The following AUTS2 variants were observed in gnomAD, a reference collection of about 807,000 sequenced individuals.
AUTS2 encodes the protein activator of transcription and developmental regulator AUTS2.
AUTS2 carries 17 observed loss-of-function variants against 112.4 expected under a neutral mutation model. That is an observed-to-expected ratio of 0.15 (90% CI 0.10 to 0.23). The LOEUF (loss-of-function observed/expected upper bound fraction) is 0.23, where lower values mean the gene tolerates loss of function less well. Ranked by LOEUF, AUTS2 falls within the 10% of genes least tolerant of loss-of-function variation. AUTS2 has a pLI of 1.00. For synonymous variants in AUTS2, 751 were observed against 702.7 expected, an observed-to-expected ratio of 1.07 and a Z score of -1.09; for missense variants, 1,510 against 1,701.6, an observed-to-expected ratio of 0.89 and a Z score of 1.98.
At chr7:70,497,030 C>CA (rs1798572538) in intron 5 of AUTS2, among the ~76,000 whole-genome samples, 2 of 110,892 alleles carry the variant, frequency 1.8e-5, no homozygotes, top group Admixed American at 8.5e-5. Flanking sequence ...CACACACACC[C>CA]CACACATGCA....
At chr7:69,837,172 T>C (rs924224825) in intron 1 of AUTS2, among the ~76,000 whole-genome samples, 4 of 152,086 alleles carry the variant, frequency 2.6e-5, no homozygotes, top group African/African-American at 9.7e-5. Context: ...ATAATAATAA[T>C]CCAACTTTAT....
At chr7:70,094,307 AC>A (rs776086923) in intron 2 of AUTS2, among the ~76,000 whole-genome samples, 36 of 152,318 alleles carry the variant, frequency 2.4e-4, no homozygotes, top group East Asian at 9.6e-4. Flanking sequence ...CCTACATGGA[AC>A]CCATTAGTAG....
chr7:70,241,172 G>T (rs983607409), intron 4 of AUTS2, among the ~76,000 whole-genome samples: 2 of 152,140 alleles, frequency 1.3e-5, no homozygotes, highest in Admixed American at 6.6e-5. Flanking sequence ...TATCCCAAAT[G>T]ATATCATTAT....
chr7:70,596,404 GGAGGCA>G (rs1169403121), intron 5 of AUTS2: 3 of 152,328 alleles, frequency 2.0e-5, no homozygotes, highest in South Asian at 2.1e-4. Context: ...CCAGACCCGG[GGAGGCA>G]GAGGCAGAGG....
At chr7:70,315,734 C>T (rs1042322201) in intron 4 of AUTS2, among the ~76,000 whole-genome samples, 1 of 152,150 alleles carries the variant, frequency 6.6e-6, no homozygotes, top group Admixed American at 6.5e-5. Flanking sequence ...CTCTCTTACC[C>T]TCATATCCGG....
intron 5 of AUTS2, among the ~76,000 whole-genome samples, chr7:70,493,191 G>T (rs879355715): frequency 6.6e-6 from 1 of 152,136 alleles, no homozygotes; most frequent in African/African-American, 2.4e-5. Flanking sequence ...CAAAGAGAGG[G>T]TACTTTTTCA....
chr7:70,380,420 G>A (rs935171503), intron 4 of AUTS2, among the ~76,000 whole-genome samples: 1 of 152,176 alleles, frequency 6.6e-6, no homozygotes, highest in Non-Finnish European at 1.5e-5. Flanking sequence ...GAGACTGCCT[G>A]GAAGCCAGCC....
intron 2 of AUTS2, among the ~76,000 whole-genome samples, chr7:69,928,427 TCAA>T (rs1214898741): frequency 1.3e-5 from 2 of 152,138 alleles, no homozygotes; most frequent in Non-Finnish European, 2.9e-5. Flanking sequence ...CCTGCCGTGA[TCAA>T]CATGCTGTCC....
rs527287363 is a variant in AUTS2, at chr7:69,856,707, A to G, written c.310-42579A>G. The stretch of plus-strand genomic sequence containing the variant: ...TCACACCTACTCACTTAAGAAATAA[A>G]TGAAATAATGTGTGTGAGAGAGTTT... On this transcript the variant is annotated intron_variant, in intron 1 of 18. Transcript: ENST00000342771. 2.0e-5 allele frequency among the ~76,000 whole-genome samples: 3 copies of G among 152,332 alleles called. No homozygotes were observed. In the East Asian group the frequency reaches 5.8e-4, roughly 29 times the overall value.
chr7:70,610,766 C>G (rs1244162966), intron 5 of AUTS2, among the ~76,000 whole-genome samples: 1 of 152,096 alleles, frequency 6.6e-6, no homozygotes, highest in Non-Finnish European at 1.5e-5. Flanking sequence ...TTAAATATAT[C>G]TGTTGGCCAT....
At chr7:69,828,682 AT>A (rs1413266064) in intron 1 of AUTS2, among the ~76,000 whole-genome samples, 1 of 152,236 alleles carries the variant, frequency 6.6e-6, no homozygotes, top group Non-Finnish European at 1.5e-5. Flanking sequence ...GACACACACA[AT>A]TAACATAGAC....
intron 2 of AUTS2, among the ~76,000 whole-genome samples, chr7:69,998,897 A>C (rs1799065785): frequency 6.6e-6 from 1 of 152,150 alleles, no homozygotes; most frequent in Non-Finnish European, 1.5e-5. Flanking sequence ...TGCTGGAGGT[A>C]AGGGTGTAAG....
At chr7:69,898,376 A>C (rs530687765) in intron 1 of AUTS2, among the ~76,000 whole-genome samples, 1 of 152,298 alleles carries the variant, frequency 6.6e-6, no homozygotes, top group East Asian at 1.9e-4. Flanking sequence ...CTCACAGGGC[A>C]GAGGATATTT....
At chr7:70,446,563 C>T (rs1269483868) in intron 5 of AUTS2, among the ~76,000 whole-genome samples, 1 of 152,144 alleles carries the variant, frequency 6.6e-6, no homozygotes, top group Non-Finnish European at 1.5e-5. Context: ...TGATATTTTC[C>T]GCTAATGGTA....
chr7:70,746,827 A>G (rs971484084), intron 6 of AUTS2, among the ~76,000 whole-genome samples: 2 of 152,210 alleles, frequency 1.3e-5, no homozygotes, highest in Admixed American at 1.3e-4. Flanking sequence ...CAGTGTTGTT[A>G]TAAGTAGTGA....
chr7:70,502,208 C>T (rs1054356590), intron 5 of AUTS2, among the ~76,000 whole-genome samples: 4 of 152,190 alleles, frequency 2.6e-5, no homozygotes, highest in African/African-American at 4.8e-5. Context: ...AGTGCTGCTT[C>T]GACCATGTGC....
At chr7:69,725,654 G>A (rs1426448844) in intron 1 of AUTS2, among the ~76,000 whole-genome samples, 3 of 152,158 alleles carry the variant, frequency 2.0e-5, no homozygotes, top group Non-Finnish European at 4.4e-5. Flanking sequence ...GTCTTAAGGG[G>A]CTATGGGAAA....
rs558160793 is a variant in AUTS2 at position 70,244,968 on chromosome 7, A to T, written c.660+110397A>T. ...AACCCCGTCTCTACTAAAAATACAA[A>T]AATTAGCTGGGTGTGGTGGCGCATG... On this transcript the variant is annotated intron_variant, in intron 4 of 18. Coordinates refer to ENST00000342771, the MANE Select transcript of AUTS2 (RefSeq NM_015570.4). 1.3e-3 allele frequency among the ~76,000 whole-genome samples: 198 copies of T among 151,782 alleles called. 2 individuals carry two copies. The highest frequency in any genetic ancestry group is 4.7e-3 in the African/African-American group (193 of 41,356).
rs954445891 is a variant in AUTS2 at position 70,255,174 on chromosome 7, G to C, written c.660+120603G>C. 3.3e-5 allele frequency among the ~76,000 whole-genome samples: 5 copies of C among 150,164 alleles called. No homozygotes were observed. The South Asian group carries it at 1.0e-3, about 32-fold the overall frequency. On this transcript the variant is annotated intron_variant, in intron 4 of 18. Transcript: ENST00000342771. ...CTGCAACCTATGCCTCCTGGGTTCA[G>C]GGGATTCTCCTGCCTCAGCCTCCCG...
Sources: gnomAD v4.1 joint callset for allele counts (sites outside exome capture counted in the v4.1 genomes callset) on GRCh38, gnomAD v4.1.1 for gene constraint, MANE v1.5 for transcripts, NCBI Gene and HGNC (gene_info 2026-07-23, HGNC 2026-07-21) for gene names.